The following YWHAB variants were observed in gnomAD, a reference collection of about 807,000 sequenced individuals.
YWHAB encodes tyrosine 3-monooxygenase/tryptophan 5-monooxygenase activation protein beta.
Under a neutral mutation model 28.5 loss-of-function variants are expected in YWHAB, and 2 were observed. The observed-to-expected ratio is 0.07, with a 90% CI of 0.03 to 0.22. The LOEUF (loss-of-function observed/expected upper bound fraction) is 0.22. Ranked by LOEUF, YWHAB falls within the 10% of genes least tolerant of loss-of-function variation. The pLI is 1.00. For synonymous variants in YWHAB, 103 were observed against 104.7 expected, an observed-to-expected ratio of 0.98 and a Z score of 0.10; for missense variants, 148 against 297.1, an observed-to-expected ratio of 0.50 and a Z score of 3.69.
Position 44,906,373 on chromosome 20 carries a change from C to G in YWHAB, c.685-9C>G. ...GCCCTGCTTTGATTATACTTCCTTT[C>G]TCTTGCAGCTGTGGACATCGGAAAA... On this transcript the variant is annotated splice_polypyrimidine_tract_variant and intron_variant, in intron 5 of 5. Transcript: ENST00000353703. 1.2e-6 allele frequency: 2 copies of G among 1,612,876 alleles called. No individual in the cohort carries two copies. Among genetic ancestry groups the G allele is most frequent in the South Asian group, 2.2e-5 (2 of 91,010 alleles).
At chr20:44,894,207 T>C (rs1013836174) in intron 1 of YWHAB, among the ~76,000 whole-genome samples, 4 of 152,240 alleles carry the variant, frequency 2.6e-5, no homozygotes, top group Admixed American at 6.5e-5. Context: ...TCCTGAAATA[T>C]GCCCAGCACA....
chr20:44,891,997 T>C (rs942280901), intron 1 of YWHAB, among the ~76,000 whole-genome samples: 1 of 152,236 alleles, frequency 6.6e-6, no homozygotes, highest in South Asian at 2.1e-4. Flanking sequence ...GTTTAACTTT[T>C]TCTGGGTAAC....
At chr20:44,902,799 C>A (rs117690200) in intron 2 of YWHAB, 3,422 of 152,454 alleles carry the variant, frequency 0.022, 53 homozygotes, top group Non-Finnish European at 0.034. Flanking sequence ...TTGAGCTTCT[C>A]TTTTTATTAG....
In YWHAB at chr20:44,888,778, C is replaced by A. The variant is rs112596909; in HGVS notation, c.-4+2892C>A. Among the ~76,000 whole-genome samples the A allele has an allele frequency of 5.9e-3, 904 of 152,288 alleles. 6 individuals carry two copies. Among genetic ancestry groups the A allele is most frequent in the Non-Finnish European group, 8.5e-3 (577 of 68,024 alleles). ...CAGTTTTTCTAGTACTTGCTTCATA[C>A]TAGGGAGAAAGTCATCAGTTACTTT... On this transcript the variant is annotated intron_variant, in intron 1 of 5. Coordinates refer to ENST00000353703, the MANE Select transcript of YWHAB (RefSeq NM_139323.4).
Position 44,906,822 on chromosome 20 carries a change from G to GAAAT in YWHAB, c.*386_*389dup, listed in dbSNP as rs1350142001. ...TTAATCTGATATCAAAATAATCATT[G>GAAAT]AAATACAATTCCATTGTAAAGTTGT... On this transcript the variant is annotated 3_prime_UTR_variant, in exon 6 of 6. Transcript: ENST00000353703. 6.2e-6 allele frequency: 1 copy of GAAAT among 160,458 alleles called. No homozygotes were observed. The highest frequency in any genetic ancestry group is 2.4e-5 in the African/African-American group (1 of 41,632). The allele number at this position is 160,458 out of a possible 1,614,324, so 9.9% of individuals were successfully genotyped here.
At position 44,904,083 on chromosome 20, in the gene YWHAB, C is replaced by T; in HGVS notation, c.391C>T (p.Leu131Phe). The change falls in exon 3 of 6, where the codon CTT (leucine) becomes TTT (phenylalanine). Residue 131 changes from leucine to phenylalanine, a missense_variant. By Grantham distance (22) the Leu-to-Phe change is conservative. Around this residue, in one of 2 missense-constraint regions of YWHAB, gnomAD observed 110 missense variants for 177.9 expected, o/e 0.62. Transcript: ENST00000353703. Reference protein sequence around the residue: ...LKMKGDYFRYLSEVASGDNKQ... With the variant: ...LKMKGDYFRYFSEVASGDNKQ... The stretch of plus-strand genomic sequence containing the variant: ...AATGAAAGGAGATTATTTTAGGTAT[C>T]TTTCTGAAGTGGCATCTGGAGACAA... 1.9e-6 allele frequency: 3 copies of T among 1,611,104 alleles called. No homozygotes were observed. Among genetic ancestry groups the T allele is most frequent in the Non-Finnish European group, 2.5e-6 (3 of 1,179,206 alleles).
chr20:44,905,790 T>C, intron 4 of YWHAB: 1 of 491,562 alleles, frequency 2.0e-6, no homozygotes, highest in South Asian at 3.7e-5. Context: ...AGCAAAGTTC[T>C]TACCTTGGAG....
intron 1 of YWHAB, among the ~76,000 whole-genome samples, chr20:44,892,662 T>C (rs1189306534): frequency 6.6e-5 from 10 of 152,238 alleles, no homozygotes; most frequent in Non-Finnish European, 1.2e-4. Context: ...TAAGAATGGC[T>C]TATGAGCCTT....
chr20:44,895,702 A>C (rs2066591902), intron 1 of YWHAB, among the ~76,000 whole-genome samples: 1 of 152,206 alleles, frequency 6.6e-6, no homozygotes, highest in African/African-American at 2.4e-5. Context: ...TCCTGGTCTC[A>C]AGCGATGCTC....
chr20:44,894,984 GAAAC>G (rs1023269880), intron 1 of YWHAB, among the ~76,000 whole-genome samples: 2 of 152,248 alleles, frequency 1.3e-5, no homozygotes, highest in Non-Finnish European at 2.9e-5. Context: ...CATTAAATGT[GAAAC>G]AAACATGAAG....
intron 2 of YWHAB, 187 bp downstream of exon 2, chr20:44,902,020 T>G (rs2066630108): frequency 3.7e-6 from 2 of 544,070 alleles, no homozygotes; most frequent in South Asian, 9.1e-5. Context: ...GATCAGAGGT[T>G]GTACATCACT....
At chr20:44,888,282 T>C (rs2066539807) in intron 1 of YWHAB, among the ~76,000 whole-genome samples, 1 of 152,238 alleles carries the variant, frequency 6.6e-6, no homozygotes, top group Non-Finnish European at 1.5e-5. Context: ...TATCAGACAA[T>C]TAGTCTATAA....
At chr20:44,897,250 C>T (rs2066601222) in intron 1 of YWHAB, among the ~76,000 whole-genome samples, 1 of 152,220 alleles carries the variant, frequency 6.6e-6, no homozygotes, top group Non-Finnish European at 1.5e-5. Context: ...CATTATTTAG[C>T]AACGGCAATC....
At chr20:44,901,452 T>C (rs1434002484) in intron 1 of YWHAB, 79 bp from the exon 2 acceptor site, 1 of 1,410,540 alleles carries the variant, frequency 7.1e-7, no homozygotes, top group African/African-American at 1.4e-5. Context: ...TCCAGATGGG[T>C]TGGAAGAAGA....
chr20:44,898,374 T>A (rs893059555), intron 1 of YWHAB, among the ~76,000 whole-genome samples: 1 of 152,232 alleles, frequency 6.6e-6, no homozygotes, highest in Non-Finnish European at 1.5e-5. Context: ...ACCTAGATTT[T>A]GAGTGTATCT....
chr20:44,898,819 T>C (rs1302053575), intron 1 of YWHAB, among the ~76,000 whole-genome samples: 1 of 149,962 alleles, frequency 6.7e-6, no homozygotes, highest in African/African-American at 2.4e-5. Context: ...AATGGTTAAT[T>C]TAAAAATAGC....
At chr20:44,888,373 C>T (rs2066540381) in intron 1 of YWHAB, among the ~76,000 whole-genome samples, 1 of 152,160 alleles carries the variant, frequency 6.6e-6, no homozygotes, top group South Asian at 2.1e-4. Context: ...GTCTTCATAA[C>T]AACCAATGAA....
chr20:44,897,584 A>C (rs2066603368), intron 1 of YWHAB, among the ~76,000 whole-genome samples: 1 of 152,210 alleles, frequency 6.6e-6, no homozygotes, highest in Admixed American at 6.5e-5. Context: ...ATATATGAAG[A>C]CAGTGGTCAT....
At chr20:44,900,742 A>G (rs775233850) in intron 1 of YWHAB, among the ~76,000 whole-genome samples, 1 of 152,154 alleles carries the variant, frequency 6.6e-6, no homozygotes, top group African/African-American at 2.4e-5. Flanking sequence ...AAACCAGACA[A>G]TTACTGAGAG....
Sources: gnomAD v4.1 joint callset for allele counts (sites outside exome capture counted in the v4.1 genomes callset) on GRCh38, gnomAD v4.1.1 for gene constraint, gnomAD v4.1.1 regional missense constraint, MANE v1.5 for transcripts, NCBI Gene and HGNC (gene_info 2026-07-23, HGNC 2026-07-21) for gene names.